TMTC2: variants seen among roughly 807,000 people sequenced by gnomAD.
The protein encoded by TMTC2 is transmembrane O-mannosyltransferase targeting cadherins 2.
A neutral mutation model predicts 82.4 loss-of-function variants in TMTC2; 43 were observed. That is an observed-to-expected ratio of 0.52 (90% CI 0.41 to 0.67). The LOEUF (loss-of-function observed/expected upper bound fraction) is 0.67. Among genes scored for constraint, TMTC2 ranks in the 30% least tolerant of loss-of-function variants. The probability of loss-of-function intolerance (pLI) is 0.00; values close to 1 mark genes in which losing one functional copy is unlikely to be tolerated. For missense variants in TMTC2, 919 were observed against 1,012.4 expected, an observed-to-expected ratio of 0.91 and a Z score of 1.25; for synonymous variants, 408 against 381.9, an observed-to-expected ratio of 1.07 and a Z score of -0.80.
intron 1 of TMTC2, among the ~76,000 whole-genome samples, chr12:82,797,990 T>G (rs533210954): frequency 6.9e-6 from 1 of 144,690 alleles, no homozygotes; most frequent in Non-Finnish European, 1.5e-5. Context: ...CAGGGTGGAG[T>G]GCAGTGGCGC....
intron 8 of TMTC2, among the ~76,000 whole-genome samples, chr12:83,027,338 C>T (rs2137416372): frequency 6.6e-6 from 1 of 152,218 alleles, no homozygotes; most frequent in Admixed American, 6.5e-5. Context: ...AACCAGCAAC[C>T]TTTATCCCTG....
chr12:82,765,671 T>G (rs948478454), intron 1 of TMTC2, among the ~76,000 whole-genome samples: 2 of 149,576 alleles, frequency 1.3e-5, no homozygotes, highest in Non-Finnish European at 3.0e-5. Flanking sequence ...TGAAACTCCA[T>G]CTCGAAAAAA....
rs117983886 is a variant in TMTC2 at position 82,911,857 on chromosome 12, G to A, written c.1483+15211G>A. ...ACTCCTGTCCTCAAGTGATCTGACCGCATAGGCCTCCCAAAGTGCTGGGAC... is the reference window on the plus strand; with the variant it reads ...ACTCCTGTCCTCAAGTGATCTGACCACATAGGCCTCCCAAAGTGCTGGGAC... On this transcript the variant is annotated intron_variant, in intron 3 of 11. Transcript: ENST00000321196. 1.8e-3 allele frequency among the ~76,000 whole-genome samples: 271 copies of A among 152,190 alleles called. 1 individual carries two copies. Among genetic ancestry groups the A allele is most frequent in the South Asian group, 7.1e-3 (34 of 4,810 alleles).
chr12:82,726,878 C>CAAAAA (rs757515287), intron 1 of TMTC2, among the ~76,000 whole-genome samples: 3 of 42,310 alleles, frequency 7.1e-5, no homozygotes, highest in African/African-American at 8.9e-5. Context: ...GACTCTGTCT[C>CAAAAA]AAAAAAAAAA....
intron 1 of TMTC2, among the ~76,000 whole-genome samples, chr12:82,832,993 T>C (rs376440243): frequency 6.6e-6 from 1 of 152,338 alleles, no homozygotes; most frequent in South Asian, 2.1e-4. Flanking sequence ...ACCCCAGTTC[T>C]ATCCAAGATG....
At chr12:82,965,870 A>G in intron 6 of TMTC2, 126 bp downstream of exon 6, 1 of 990,852 alleles carries the variant, frequency 1.0e-6, no homozygotes. Context: ...ACGTTAAACT[A>G]TTGTCCTTTG....
intron 7 of TMTC2, among the ~76,000 whole-genome samples, chr12:82,980,993 C>T (rs1254641409): frequency 6.6e-6 from 1 of 151,818 alleles, no homozygotes; most frequent in Non-Finnish European, 1.5e-5. Context: ...TAAATTATTT[C>T]TTTGTCGCTA....
At chr12:82,844,398 C>A (rs1312858385) in intron 1 of TMTC2, among the ~76,000 whole-genome samples, 6 of 152,166 alleles carry the variant, frequency 3.9e-5, no homozygotes, top group African/African-American at 1.4e-4. Flanking sequence ...AATCAAATCC[C>A]TAGGCACAAA....
chr12:82,751,669 G>A (rs866659187), intron 1 of TMTC2, among the ~76,000 whole-genome samples: 1 of 152,064 alleles, frequency 6.6e-6, no homozygotes, highest in Non-Finnish European at 1.5e-5. Context: ...CATGGATAAT[G>A]GTAATGTTGC....
chr12:82,828,951 C>T (rs913290429), intron 1 of TMTC2, among the ~76,000 whole-genome samples: 4 of 151,888 alleles, frequency 2.6e-5, no homozygotes, highest in South Asian at 2.1e-4. Flanking sequence ...ACCCTTAAAA[C>T]GAAAATGGAA....
intron 8 of TMTC2, among the ~76,000 whole-genome samples, chr12:83,017,225 A>G (rs1157066383): frequency 6.6e-6 from 1 of 152,162 alleles, no homozygotes; most frequent in Non-Finnish European, 1.5e-5. Flanking sequence ...ATCTTGTGGG[A>G]CATGGCAGTG....
intron 4 of TMTC2, among the ~76,000 whole-genome samples, chr12:82,942,436 T>C (rs1331256699): frequency 6.6e-6 from 1 of 152,222 alleles, no homozygotes; most frequent in Non-Finnish European, 1.5e-5. Flanking sequence ...TTGTTTAAAT[T>C]TGTCTTTTAG....
chr12:82,796,365 C>G (rs1027705424), intron 1 of TMTC2, among the ~76,000 whole-genome samples: 2 of 152,076 alleles, frequency 1.3e-5, no homozygotes, highest in Admixed American at 1.3e-4. Flanking sequence ...GCTGAAGGCT[C>G]TCATGGTAAA....
chr12:82,745,749 T>C (rs938113121), intron 1 of TMTC2, among the ~76,000 whole-genome samples: 1 of 152,206 alleles, frequency 6.6e-6, no homozygotes, highest in African/African-American at 2.4e-5. Context: ...TGTGCTTTTA[T>C]GAGATACAGA....
At chr12:83,109,557 C>T (rs1452716269) in intron 11 of TMTC2, among the ~76,000 whole-genome samples, 1 of 152,220 alleles carries the variant, frequency 6.6e-6, no homozygotes, top group Admixed American at 6.5e-5. Flanking sequence ...TCATTTCAAA[C>T]ATCCCTTCCT....
intron 2 of TMTC2, among the ~76,000 whole-genome samples, chr12:82,894,651 C>T (rs1873565193): frequency 6.6e-6 from 1 of 152,004 alleles, no homozygotes; most frequent in Admixed American, 6.6e-5. Context: ...TGCCTCTTTA[C>T]GACTTAGATT....
At chr12:82,725,676 A>T (rs958050838) in intron 1 of TMTC2, among the ~76,000 whole-genome samples, 1 of 152,188 alleles carries the variant, frequency 6.6e-6, no homozygotes, top group Non-Finnish European at 1.5e-5. Context: ...TTAGGGAGGC[A>T]TGAGATGTCA....
At chr12:82,950,337 C>G (rs1317535538) in intron 4 of TMTC2, among the ~76,000 whole-genome samples, 3 of 152,078 alleles carry the variant, frequency 2.0e-5, no homozygotes, top group Admixed American at 6.5e-5. Flanking sequence ...TGTTTTTAAA[C>G]TAGGAAAATA....
rs1592888226 is a variant in TMTC2 at position 82,736,469 on chromosome 12, TTTCAGTAGCTTTATAATCA to T, written c.83+48804_83+48822del. On this transcript the variant is annotated intron_variant, in intron 1 of 11. Coordinates refer to ENST00000321196, the MANE Select transcript of TMTC2 (RefSeq NM_152588.3). ...ACTTTTTTGTTTGATTCCTCTGTGA[TTTCAGTAGCTTTATAATCA>T]TTCTTTTTAGCTATTGCATTCTATT... Among the ~76,000 whole-genome samples the T allele has an allele frequency of 3.3e-5, 5 of 152,230 alleles. No individual in the cohort carries two copies. In the East Asian group the frequency reaches 9.6e-4, roughly 29 times the overall value.
Sources: allele counts gnomAD v4.1 joint callset (sites outside exome capture counted in the v4.1 genomes callset), GRCh38; gene constraint gnomAD v4.1.1; transcripts MANE v1.5; gene names NCBI Gene and HGNC (gene_info 2026-07-23, HGNC 2026-07-21).